The following TTC28 variants were observed in gnomAD, a reference collection of about 807,000 sequenced individuals.
The protein encoded by TTC28 is tetratricopeptide repeat domain 28.
A neutral mutation model predicts 198.0 loss-of-function variants in TTC28; 61 were observed. That is an observed-to-expected ratio of 0.31 (90% confidence interval 0.25 to 0.38). TTC28 has a LOEUF of 0.38. Ranked by LOEUF, TTC28 falls within the 10% of genes least tolerant of loss-of-function variation. The probability of loss-of-function intolerance (pLI) is 1.00; values close to 1 mark genes in which losing one functional copy is unlikely to be tolerated. For missense variants in TTC28, 2,678 were observed against 3,164.0 expected (o/e 0.85, Z 3.69); for synonymous variants, 1,171 against 1,297.8 (o/e 0.90, Z 2.10).
intron 2 of TTC28, among the ~76,000 whole-genome samples, chr22:28,406,367 T>C (rs2046998269): frequency 6.6e-6 from 1 of 152,228 alleles, no homozygotes; most frequent in African/African-American, 2.4e-5. Flanking sequence ...ATGCACCAAC[T>C]GTTAGAAATT....
At chr22:28,521,299 T>C (rs897988163) in intron 2 of TTC28, among the ~76,000 whole-genome samples, 5 of 151,752 alleles carry the variant, frequency 3.3e-5, no homozygotes, top group African/African-American at 4.8e-5. Flanking sequence ...TCCCAGCTAT[T>C]AGGAGGCCAA....
At chr22:28,340,385 A>G (rs2045810668) in intron 2 of TTC28, among the ~76,000 whole-genome samples, 1 of 152,032 alleles carries the variant, frequency 6.6e-6, no homozygotes, top group Non-Finnish European at 1.5e-5. Flanking sequence ...CAAATTCACT[A>G]TAATTTGAGA....
chr22:28,628,800 C>A (rs2051119502), intron 2 of TTC28, among the ~76,000 whole-genome samples: 1 of 151,916 alleles, frequency 6.6e-6, no homozygotes, highest in African/African-American at 2.4e-5. Context: ...ATTAGCCGGG[C>A]ATGATGGCAC....
intron 2 of TTC28, among the ~76,000 whole-genome samples, chr22:28,487,664 T>G (rs2048328836): frequency 6.6e-6 from 1 of 152,172 alleles, no homozygotes; most frequent in African/African-American, 2.4e-5. Context: ...AGATATAATT[T>G]CATATTCTTT....
At chr22:28,466,434 G>A (rs1485782734) in intron 2 of TTC28, among the ~76,000 whole-genome samples, 2 of 152,114 alleles carry the variant, frequency 1.3e-5, no homozygotes, top group Non-Finnish European at 2.9e-5. Flanking sequence ...TGCAGGTACA[G>A]ACAGCAAAAA....
chr22:28,008,856 G>A (rs1025739591), intron 14 of TTC28, among the ~76,000 whole-genome samples: 2 of 152,296 alleles, frequency 1.3e-5, no homozygotes, highest in South Asian at 2.1e-4. Flanking sequence ...GAGAGAACTC[G>A]GAGGCAGCCT....
chr22:28,355,486 G>A (rs933243238), intron 2 of TTC28, among the ~76,000 whole-genome samples: 4 of 152,174 alleles, frequency 2.6e-5, no homozygotes, highest in African/African-American at 9.7e-5. Context: ...ATCTAATCAT[G>A]TGCCAGACAT....
At chr22:28,164,581 G>A (rs1178683947) in intron 5 of TTC28, among the ~76,000 whole-genome samples, 1 of 152,192 alleles carries the variant, frequency 6.6e-6, no homozygotes, top group African/African-American at 2.4e-5. Flanking sequence ...GCAGCTGAGG[G>A]TCCTGACTGT....
Position 28,356,930 on chromosome 22 carries a change from A to ACC in TTC28, c.382-50289_382-50288dup, listed in dbSNP as rs564005654. ...CACAAGACCTCCTTCTGAGCATGAGACCCCATGCAACTACAGTGGTGGCAT... is the reference window on the plus strand; with the variant it reads ...CACAAGACCTCCTTCTGAGCATGAGACCCCCCATGCAACTACAGTGGTGGCAT... On this transcript the variant is annotated intron_variant, in intron 2 of 22. Transcript: ENST00000397906. 5.4e-3 allele frequency among the ~76,000 whole-genome samples: 817 copies of ACC among 152,248 alleles called. 2 individuals are homozygous for ACC. The highest frequency in any genetic ancestry group is 7.8e-3 in the Non-Finnish European group (528 of 68,018).
chr22:28,440,913 C>T (rs2047610879), intron 2 of TTC28, among the ~76,000 whole-genome samples: 1 of 152,168 alleles, frequency 6.6e-6, no homozygotes. Flanking sequence ...GTCAAGCTAC[C>T]ACCAAATAAG....
At chr22:28,085,027 A>G (rs1486201974) in intron 12 of TTC28, among the ~76,000 whole-genome samples, 3 of 152,172 alleles carry the variant, frequency 2.0e-5, no homozygotes, top group Non-Finnish European at 4.4e-5. Flanking sequence ...CACCAAATCT[A>G]CGTCTGATTG....
At chr22:28,427,076 A>G (rs551487091) in intron 2 of TTC28, among the ~76,000 whole-genome samples, 5 of 152,364 alleles carry the variant, frequency 3.3e-5, no homozygotes, top group African/African-American at 1.2e-4. Context: ...TTTTCAGGAA[A>G]AACAGTAATG....
chr22:28,584,016 GTTTTT>G (rs67108156), intron 2 of TTC28, among the ~76,000 whole-genome samples: 144 of 132,986 alleles, frequency 1.1e-3, no homozygotes, highest in African/African-American at 3.0e-3. Flanking sequence ...GTTTTGTTTT[GTTTTT>G]TTTTTTTTTT....
intron 5 of TTC28, among the ~76,000 whole-genome samples, chr22:28,244,526 T>C (rs1420026567): frequency 6.6e-6 from 1 of 152,188 alleles, no homozygotes; most frequent in Non-Finnish European, 1.5e-5. Flanking sequence ...AGTGAACTGA[T>C]AGGCAAGTGC....
chr22:28,098,811 AATC>A, intron 10 of TTC28, 101 bp downstream of exon 10: 1 of 1,393,676 alleles, frequency 7.2e-7, no homozygotes, highest in South Asian at 1.5e-5. Flanking sequence ...TGTCACAACA[AATC>A]ATATTTCTTC....
intron 2 of TTC28, among the ~76,000 whole-genome samples, chr22:28,537,455 C>A (rs2049318954): frequency 1.3e-5 from 2 of 151,594 alleles, no homozygotes; most frequent in South Asian, 4.2e-4. Flanking sequence ...GAATGGGTAG[C>A]CATCTTAGAA....
At chr22:28,660,858 A>G (rs1404274061) in intron 1 of TTC28, among the ~76,000 whole-genome samples, 3 of 151,980 alleles carry the variant, frequency 2.0e-5, no homozygotes, top group Admixed American at 6.6e-5. Flanking sequence ...GGGTTTCACC[A>G]TATTGGCCAG....
intron 2 of TTC28, among the ~76,000 whole-genome samples, chr22:28,533,599 C>T (rs888040256): frequency 2.0e-5 from 3 of 152,156 alleles, no homozygotes; most frequent in Admixed American, 6.5e-5. Flanking sequence ...CCTGCATTGC[C>T]AAGACAATCC....
chr22:28,411,091 G>C (rs1665738866), intron 2 of TTC28, among the ~76,000 whole-genome samples: 1 of 152,042 alleles, frequency 6.6e-6, no homozygotes, highest in African/African-American at 2.4e-5. Context: ...AAGTTCTCTT[G>C]CTAAACAGGC....
Sources: allele counts gnomAD v4.1 joint callset (sites outside exome capture counted in the v4.1 genomes callset), GRCh38; gene constraint gnomAD v4.1.1; transcripts MANE v1.5; gene names NCBI Gene and HGNC (gene_info 2026-07-23, HGNC 2026-07-21).